The following ZNF782 variants were observed in gnomAD, a reference collection of about 807,000 sequenced individuals.
The protein encoded by ZNF782 is zinc finger protein 782.
Under a neutral mutation model 13.0 loss-of-function variants are expected in ZNF782, and 12 were observed. The observed-to-expected ratio is 0.92, with a 90% CI of 0.59 to 1.50. The LOEUF (loss-of-function observed/expected upper bound fraction) is 1.50. Ranked by LOEUF, ZNF782 falls within the 40% of genes most tolerant of loss-of-function variation. The probability of loss-of-function intolerance (pLI) is 0.00; values close to 1 mark genes in which losing one functional copy is unlikely to be tolerated. For synonymous variants in ZNF782, 284 were observed against 283.0 expected, an observed-to-expected ratio of 1.00 and a Z score of -0.04; for missense variants, 770 against 822.9, an observed-to-expected ratio of 0.94 and a Z score of 0.79.
At chr9:96,932,946 G>A in the ZNF782 span, among the ~76,000 whole-genome samples, 3 of 149,984 alleles carry the variant, frequency 2.0e-5, no homozygotes, top group East Asian at 2.0e-4. Flanking sequence ...ATCATGCCCC[G>A]CCCCAATACT....
chr9:96,818,850 C>T lies in ZNF782; in HGVS notation c.1173G>A (p.Glu391=). The T allele has an allele frequency of 1.2e-6, 2 of 1,614,116 alleles. No individual in the cohort carries two copies. The highest frequency in any genetic ancestry group is 1.1e-5 in the South Asian group (1 of 91,064). Residue 391 remains glutamate, a synonymous_variant, in exon 6 of 6, where the codon GAG becomes GAA. Coordinates refer to ENST00000481138, the MANE Select transcript of ZNF782 (RefSeq NM_001001662.3). The part of the protein sequence containing the change: ...LIWPQKSHTG[E]KPYECPECGK... Reference sequence around the variant, plus strand: ...CGCACTCAGGACATTCATAGGGTTTCTCCCCTGTGTGACTTTTCTGAGGCC... The same window carrying T: ...CGCACTCAGGACATTCATAGGGTTTTTCCCCTGTGTGACTTTTCTGAGGCC...
chr9:96,893,140 T>G, the ZNF782 span: 1 of 152,226 alleles, frequency 6.6e-6, no homozygotes, highest in African/African-American at 2.4e-5. Context: ...TCCAGTGGCT[T>G]CTGAACATTT....
At chr9:96,920,840 A>G in the ZNF782 span, among the ~76,000 whole-genome samples, 1 of 149,694 alleles carries the variant, frequency 6.7e-6, no homozygotes, top group Non-Finnish European at 1.5e-5. Flanking sequence ...GCTTGAACCC[A>G]GGAGGCAGAG....
At chr9:96,899,597 G>C in the ZNF782 span, among the ~76,000 whole-genome samples, 2 of 152,206 alleles carry the variant, frequency 1.3e-5, no homozygotes, top group Non-Finnish European at 2.9e-5. Flanking sequence ...AGAAATCCAA[G>C]GTTAAGGGAC....
the ZNF782 span, chr9:96,888,552 A>T: frequency 6.6e-6 from 1 of 152,188 alleles, no homozygotes; most frequent in Non-Finnish European, 1.5e-5. Context: ...ACAAATTAAG[A>T]GTGTGTTTGA....
At chr9:96,865,124 C>A (rs1290141379) in intron 1 of ZNF782, among the ~76,000 whole-genome samples, 1 of 152,154 alleles carries the variant, frequency 6.6e-6, no homozygotes, top group Non-Finnish European at 1.5e-5. Flanking sequence ...CTGCTCCCAG[C>A]CTGTTCTTCT....
the ZNF782 span, among the ~76,000 whole-genome samples, chr9:96,916,669 G>A: frequency 6.6e-6 from 1 of 152,022 alleles, no homozygotes; most frequent in Non-Finnish European, 1.5e-5. Flanking sequence ...CTAGATGCCT[G>A]CGGTGTGCAG....
Position 96,819,369 on chromosome 9 carries a change from A to G in ZNF782, c.654T>C (p.Asn218=), listed in dbSNP as rs2118280325. The G allele has an allele frequency of 1.2e-6, 2 of 1,603,200 alleles. No individual in the cohort carries two copies. Among genetic ancestry groups the G allele is most frequent in the East Asian group, 4.5e-5 (2 of 44,822 alleles). ...IQTLGQDFEY[N]ESRKAFLEKA... is the part of the protein sequence containing the mutation. Reference sequence around the variant, plus strand: ...TTTCAAGAAAAGCTTTTCTACTTTCATTATATTCAAAATCTTGCCCCAGAG... The same window carrying G: ...TTTCAAGAAAAGCTTTTCTACTTTCGTTATATTCAAAATCTTGCCCCAGAG... Residue 218 remains asparagine, a synonymous_variant, in exon 6 of 6, where the codon AAT becomes AAC. Coordinates refer to ENST00000481138, the MANE Select transcript of ZNF782 (RefSeq NM_001001662.3).
intron 3 of ZNF782, 107 bp from the exon 4 acceptor site, chr9:96,845,123 G>T: frequency 7.3e-7 from 1 of 1,375,240 alleles, no homozygotes; most frequent in Non-Finnish European, 1.0e-6. Context: ...AAAACAAAAT[G>T]CTATAAGGGA....
upstream of ZNF782, among the ~76,000 whole-genome samples, chr9:96,879,133 TAATAACA>T (rs768585080): frequency 2.1e-3 from 318 of 152,304 alleles, 2 homozygotes; most frequent in Non-Finnish European, 3.5e-3. Context: ...GATGCTGGCA[TAATAACA>T]AGGAATAAAA....
chr9:96,894,477 C>A, the ZNF782 span: 1 of 152,138 alleles, frequency 6.6e-6, no homozygotes, highest in African/African-American at 2.4e-5. Context: ...TCAGTTAAGC[C>A]AGAATCTTTC....
chr9:96,907,869 G>T, the ZNF782 span, among the ~76,000 whole-genome samples: 1 of 151,734 alleles, frequency 6.6e-6, no homozygotes, highest in East Asian at 1.9e-4. Flanking sequence ...TCGAACTCTT[G>T]ACCTCAGGTG....
chr9:96,878,136 CTTCCCGGG>C (rs1456846667), upstream of ZNF782, among the ~76,000 whole-genome samples: 17 of 152,192 alleles, frequency 1.1e-4, no homozygotes, highest in Admixed American at 1.1e-3. Flanking sequence ...GCAACCTCTG[CTTCCCGGG>C]TTCAAGAGAT....
chr9:96,827,754 G>A (rs1436622071), intron 4 of ZNF782, among the ~76,000 whole-genome samples: 1 of 152,154 alleles, frequency 6.6e-6, no homozygotes, highest in Non-Finnish European at 1.5e-5. Context: ...AGGGTAAAAG[G>A]AACTGATTTC....
intron 3 of ZNF782, among the ~76,000 whole-genome samples, chr9:96,847,538 T>G (rs557933020): frequency 5.3e-5 from 8 of 152,136 alleles, no homozygotes; most frequent in Admixed American, 1.3e-4. Flanking sequence ...TATGAACGCC[T>G]TCATGTGCAC....
At chr9:96,886,813 C>T in the ZNF782 span, among the ~76,000 whole-genome samples, 1,386 of 151,516 alleles carry the variant, frequency 9.1e-3, 50 homozygotes, top group East Asian at 0.1. Flanking sequence ...ATCCCAGCTA[C>T]TCAGGAGGCT....
chr9:96,901,502 C>A, the ZNF782 span, among the ~76,000 whole-genome samples: 1,302 of 151,682 alleles, frequency 8.6e-3, 26 homozygotes, highest in African/African-American at 0.03. Flanking sequence ...AAACTCCTGA[C>A]CTAAGGAGAT....
Position 96,845,447 on chromosome 9 carries a change from T to C in ZNF782, c.16-431A>G, listed in dbSNP as rs1039668272. 2.6e-5 allele frequency among the ~76,000 whole-genome samples: 4 copies of C among 152,258 alleles called. No individual in the cohort carries two copies. The East Asian group carries it at 7.8e-4, about 30-fold the overall frequency. On this transcript the variant is annotated intron_variant, in intron 3 of 5. Coordinates refer to ENST00000481138, the MANE Select transcript of ZNF782 (RefSeq NM_001001662.3). ...CTAGTTTTTTGTATTTTAGTAGAGA[T>C]GGGGTTTCACCATGTTGGCCAGGAT...
chr9:96,866,093 A>C (rs1851750712), intron 1 of ZNF782, among the ~76,000 whole-genome samples: 1 of 152,180 alleles, frequency 6.6e-6, no homozygotes, highest in Non-Finnish European at 1.5e-5. Context: ...CTGAGGAGAA[A>C]TTCAAGCCAC....
Sources: gnomAD v4.1 joint callset for allele counts (sites outside exome capture counted in the v4.1 genomes callset) on GRCh38, gnomAD v4.1.1 for gene constraint, MANE v1.5 for transcripts, NCBI Gene and HGNC (gene_info 2026-07-23, HGNC 2026-07-21) for gene names.